Variants in COL4A1 observed in about 807,000 individuals in gnomAD.
The protein encoded by COL4A1 is collagen type IV alpha 1 chain.
COL4A1 carries 40 observed loss-of-function variants against 216.6 expected under a neutral mutation model. That is an observed-to-expected ratio of 0.18 (90% confidence interval 0.14 to 0.24). COL4A1 has a LOEUF of 0.24. COL4A1 is among the 10% of genes least tolerant of loss of function. The pLI is 1.00. For synonymous variants in COL4A1, 839 were observed against 810.7 expected (o/e 1.03, Z -0.59); for missense variants, 1,628 against 2,196.8 (o/e 0.74, Z 5.18).
intron 1 of COL4A1, among the ~76,000 whole-genome samples, chr13:110,243,675 G>C (rs1326974942): frequency 6.6e-6 from 1 of 152,208 alleles, no homozygotes; most frequent in African/African-American, 2.4e-5. Context: ...ATGAATCCAA[G>C]CCTGTGATAA....
At chr13:110,269,792 T>C (rs1196308540) in intron 1 of COL4A1, among the ~76,000 whole-genome samples, 1 of 151,812 alleles carries the variant, frequency 6.6e-6, no homozygotes, top group Non-Finnish European at 1.5e-5. Flanking sequence ...TCTGAAGTGA[T>C]TATACCATAA....
chr13:110,198,386 A>G, intron 21 of COL4A1, 81 bp downstream of exon 21: 1 of 1,509,126 alleles, frequency 6.6e-7, no homozygotes, highest in Non-Finnish European at 9.2e-7. Context: ...GTGGGGGACT[A>G]TCACAGCCCC....
chr13:110,220,472 T>A (rs1205036040), intron 2 of COL4A1, among the ~76,000 whole-genome samples: 1 of 152,246 alleles, frequency 6.6e-6, no homozygotes, highest in Non-Finnish European at 1.5e-5. Flanking sequence ...TGACTGGCAT[T>A]GCAAGAGTTG....
chr13:110,154,040 A>G (rs2138419236), intron 50 of COL4A1, among the ~76,000 whole-genome samples: 1 of 152,318 alleles, frequency 6.6e-6, no homozygotes, highest in East Asian at 1.9e-4. Flanking sequence ...TTTTTCTACA[A>G]TTGGAATAAT....
chr13:110,236,450 A>C (rs1384310157), intron 2 of COL4A1, among the ~76,000 whole-genome samples: 1 of 152,262 alleles, frequency 6.6e-6, no homozygotes, highest in Non-Finnish European at 1.5e-5. Flanking sequence ...GCGTTGATTA[A>C]TTAATCATGT....
chr13:110,181,608 T>C (rs1348398899), intron 28 of COL4A1, among the ~76,000 whole-genome samples: 3 of 152,050 alleles, frequency 2.0e-5, no homozygotes, highest in Non-Finnish European at 4.4e-5. Flanking sequence ...TGCCCTCCTC[T>C]TTCTCTCTCC....
At chr13:110,288,271 A>AT (rs984701147) in intron 1 of COL4A1, among the ~76,000 whole-genome samples, 40 of 134,768 alleles carry the variant, frequency 3.0e-4, no homozygotes, top group African/African-American at 6.7e-4. Flanking sequence ...TCAAAAAAAA[A>AT]AAAAATAATA....
chr13:110,212,717 G>T, intron 4 of COL4A1, 99 bp from the exon 5 acceptor site: 1 of 1,420,928 alleles, frequency 7.0e-7, no homozygotes, highest in Non-Finnish European at 9.9e-7. Flanking sequence ...CCTCATTTTT[G>T]GTGTCAGAAC....
intron 1 of COL4A1, among the ~76,000 whole-genome samples, chr13:110,264,797 T>A (rs922434804): frequency 1.3e-5 from 2 of 152,122 alleles, no homozygotes; most frequent in African/African-American, 4.8e-5. Context: ...CTTGCCTTCC[T>A]CTCCCCTTAC....
At chr13:110,189,452 A>G (rs1594563704) in intron 24 of COL4A1, among the ~76,000 whole-genome samples, 1 of 152,332 alleles carries the variant, frequency 6.6e-6, no homozygotes, top group East Asian at 1.9e-4. Context: ...GTCATGGCAG[A>G]AGCTTCTCAT....
intron 1 of COL4A1, among the ~76,000 whole-genome samples, chr13:110,304,316 G>C (rs1047368129): frequency 9.2e-5 from 14 of 152,178 alleles, no homozygotes; most frequent in Non-Finnish European, 1.9e-4. Flanking sequence ...ATCTCACTTA[G>C]TTTGAACTCT....
chr13:110,276,665 A>G (rs1244457138), intron 1 of COL4A1, among the ~76,000 whole-genome samples: 1 of 152,194 alleles, frequency 6.6e-6, no homozygotes, highest in Non-Finnish European at 1.5e-5. Context: ...AAAAACCCCT[A>G]CTTTCAGTGT....
Position 110,212,447 on chromosome 13 carries a change from G to A in COL4A1, c.357C>T (p.Pro119=), listed in dbSNP as rs767392196. ...GIPGQDGPPG[P]PGIPGCNGTK... The stretch of plus-strand genomic sequence containing the variant: ...TGCCATTGCATCCTGGAATACCTGG[G>A]GGGCCTGGCGGGCCGTCTTGGCCAG... The change falls in exon 6 of 52, where the codon CCC becomes CCT. Residue 119 remains proline (P), a synonymous_variant. Transcript: ENST00000375820. The A allele has an allele frequency of 3.1e-6, 5 of 1,613,898 alleles. No individual in the cohort carries two copies. Among genetic ancestry groups the A allele is most frequent in the Middle Eastern group, 1.7e-4 (1 of 5,968 alleles).
At chr13:110,285,710 G>A (rs749240833) in intron 1 of COL4A1, among the ~76,000 whole-genome samples, 4 of 152,128 alleles carry the variant, frequency 2.6e-5, no homozygotes, top group African/African-American at 4.8e-5. Flanking sequence ...TTGTATTAGC[G>A]CTCCCTGACA....
chr13:110,201,757 G>A (rs1461791475), intron 18 of COL4A1: 1 of 671,764 alleles, frequency 1.5e-6, no homozygotes, highest in Non-Finnish European at 2.8e-6. Flanking sequence ...GCTGAGGCAG[G>A]TGGATCACAA....
Position 110,170,321 on chromosome 13 carries a change from A to G in COL4A1, c.3742+226T>C, listed in dbSNP as rs146078468. ...CGGGGCACGAGTCCAGGCTTGTCCA[A>G]TCATTTCCTTTCTTGCATCTCCCTA... On this transcript the variant is annotated intron_variant, in intron 42 of 51. Transcript: ENST00000375820. Among the ~76,000 whole-genome samples, 784 of 152,310 alleles carry G rather than the reference A, an allele frequency of 5.1e-3. 7 individuals are homozygous for G. Among genetic ancestry groups the G allele is most frequent in the South Asian group, 0.025 (120 of 4,824 alleles).
intron 1 of COL4A1, among the ~76,000 whole-genome samples, chr13:110,288,273 A>ATG (rs1555316096): frequency 6.8e-6 from 1 of 147,652 alleles, no homozygotes; most frequent in Non-Finnish European, 1.5e-5. Context: ...AAAAAAAAAA[A>ATG]AAATAATAAT....
chr13:110,226,965 A>G (rs1880762168), intron 2 of COL4A1, among the ~76,000 whole-genome samples: 1 of 152,234 alleles, frequency 6.6e-6, no homozygotes, highest in African/African-American at 2.4e-5. Context: ...TGAGCTGCTA[A>G]TCTCTCTTCA....
At chr13:110,272,503 C>T (rs1468113543) in intron 1 of COL4A1, among the ~76,000 whole-genome samples, 9 of 152,114 alleles carry the variant, frequency 5.9e-5, no homozygotes, top group Admixed American at 1.3e-4. Flanking sequence ...CACCTGTGGG[C>T]GTGGCAGGTG....
Sources: allele counts gnomAD v4.1 joint callset (sites outside exome capture counted in the v4.1 genomes callset), GRCh38; gene constraint gnomAD v4.1.1; transcripts MANE v1.5; gene names NCBI Gene and HGNC (gene_info 2026-07-23, HGNC 2026-07-21).